The following SCN1A variants were observed in gnomAD, a reference collection of about 807,000 sequenced individuals.
SCN1A encodes the protein sodium channel protein type 1 subunit alpha.
Under a neutral mutation model 193.7 loss-of-function variants are expected in SCN1A, and 13 were observed. That is an observed-to-expected ratio of 0.07 (90% confidence interval 0.04 to 0.11). The LOEUF (loss-of-function observed/expected upper bound fraction) is 0.11, where lower values mean the gene tolerates loss of function less well. Ranked by LOEUF, SCN1A falls within the 10% of genes least tolerant of loss-of-function variation. The pLI is 1.00. For synonymous variants in SCN1A, 781 were observed against 843.6 expected (o/e 0.93, Z 1.29); for missense variants, 1,432 against 2,451.1 (o/e 0.58, Z 8.78).
intron 20 of SCN1A, among the ~76,000 whole-genome samples, chr2:166,014,782 G>A (rs947953277): frequency 6.6e-6 from 1 of 151,400 alleles, no homozygotes; most frequent in African/African-American, 2.4e-5. Context: ...AGAGAAAAAA[G>A]ATAGAAAAGT....
At chr2:166,006,467 A>G (rs1376043908) in intron 23 of SCN1A, among the ~76,000 whole-genome samples, 2 of 151,402 alleles carry the variant, frequency 1.3e-5, no homozygotes, top group Non-Finnish European at 3.0e-5. Flanking sequence ...GTTAGTTGGG[A>G]GTTACTTATT....
At chr2:166,121,082 A>G (rs960804324) in intron 2 of SCN1A, among the ~76,000 whole-genome samples, 1 of 151,156 alleles carries the variant, frequency 6.6e-6, no homozygotes, top group African/African-American at 2.4e-5. Context: ...TACTTCCTGG[A>G]ATTTTGGTGT....
intron 2 of SCN1A, among the ~76,000 whole-genome samples, chr2:166,118,404 T>C (rs1334108789): frequency 1.4e-5 from 2 of 142,342 alleles, no homozygotes; most frequent in African/African-American, 5.1e-5. Flanking sequence ...TCAAACTTCC[T>C]TTTTGGAATG....
chr2:166,064,825 C>G (rs184076488), intron 4 of SCN1A, among the ~76,000 whole-genome samples: 1 of 152,118 alleles, frequency 6.6e-6, no homozygotes, highest in African/African-American at 2.4e-5. Flanking sequence ...CACTTTCCTA[C>G]TCTTAAAGTA....
chr2:166,032,228 C>CAT (rs1695715588), intron 19 of SCN1A, among the ~76,000 whole-genome samples: 1 of 97,418 alleles, frequency 1.0e-5, no homozygotes, highest in African/African-American at 4.1e-5. Context: ...CACACACACA[C>CAT]ACACACAGAG....
At chr2:166,144,270 G>C (rs775989089) in intron 1 of SCN1A, among the ~76,000 whole-genome samples, 3 of 152,198 alleles carry the variant, frequency 2.0e-5, no homozygotes, top group Non-Finnish European at 4.4e-5. Flanking sequence ...CCAGTGAAAA[G>C]AGATGGTCTG....
intron 1 of SCN1A, among the ~76,000 whole-genome samples, chr2:166,141,066 T>G (rs890488087): frequency 6.6e-6 from 1 of 152,144 alleles, no homozygotes; most frequent in African/African-American, 2.4e-5. Context: ...TAAAGCCTAC[T>G]CACTTCCTTC....
At chr2:166,080,160 C>T (rs1685360611) in intron 2 of SCN1A, among the ~76,000 whole-genome samples, 1 of 151,442 alleles carries the variant, frequency 6.6e-6, no homozygotes, top group South Asian at 2.1e-4. Flanking sequence ...CCTCTTTATT[C>T]TAAAAATTTA....
In SCN1A at chr2:165,991,199, C is replaced by T. The variant is rs1372227465; in HGVS notation, c.*46G>A. 6.6e-7 allele frequency: 1 copy of T among 1,516,024 alleles called. No homozygotes were observed. The highest frequency in any genetic ancestry group is 9.0e-7 in the Non-Finnish European group (1 of 1,113,680). The allele number at this position is 1,516,024 out of a possible 1,614,324, so 93.9% of individuals were successfully genotyped here. ...TGTTGATAAAAATACATCACCTTCACAGGCTGTAAACAATTTGTCACCCAA... is the reference window on the plus strand; with the variant it reads ...TGTTGATAAAAATACATCACCTTCATAGGCTGTAAACAATTTGTCACCCAA... On this transcript the variant is annotated 3_prime_UTR_variant, in exon 29 of 29. Transcript: ENST00000674923.
chr2:166,065,790 G>A (rs1449865280), intron 4 of SCN1A, among the ~76,000 whole-genome samples: 2 of 152,050 alleles, frequency 1.3e-5, no homozygotes, highest in Admixed American at 6.6e-5. Flanking sequence ...AGTGACAATA[G>A]GTACCTGCCA....
rs746016312 is a variant in SCN1A at position 166,036,311 on chromosome 2, T to G, written c.3166A>C (p.Asn1056His). The G allele has an allele frequency of 6.2e-7, 1 of 1,613,674 alleles. No homozygotes were observed. Among genetic ancestry groups the G allele is most frequent in the Non-Finnish European group, 8.5e-7 (1 of 1,179,810 alleles). Residue 1056 changes from asparagine to histidine, a missense_variant, in exon 19 of 29, where the codon AAC becomes CAC. This residue lies in a region of SCN1A where 198 missense variants were observed against 225.8 expected (regional missense o/e 0.88). Transcript: ENST00000674923. ...TTGGACATACAACTGTCTTTCTTGTTGTTTAGATCATCAAGTGGTTTAATT... is the reference window on the plus strand; with the variant it reads ...TTGGACATACAACTGTCTTTCTTGTGGTTTAGATCATCAAGTGGTTTAATT... Reference protein sequence around the residue: ...DEIKPLDDLNNKKDSCMSNHT... With the variant: ...DEIKPLDDLNHKKDSCMSNHT...
At chr2:166,120,688 G>T (rs1436374033) in intron 2 of SCN1A, among the ~76,000 whole-genome samples, 1 of 131,062 alleles carries the variant, frequency 7.6e-6, no homozygotes, top group African/African-American at 2.9e-5. Flanking sequence ...ATCTCGGCTT[G>T]CTGCAACCTC....
intron 19 of SCN1A, among the ~76,000 whole-genome samples, chr2:166,029,990 G>A (rs557070690): frequency 6.6e-6 from 1 of 152,192 alleles, no homozygotes; most frequent in South Asian, 2.1e-4. Flanking sequence ...CTAAGCAGGA[G>A]GACTCTGAAA....
chr2:166,130,021 A>G (rs539731933), upstream of SCN1A, among the ~76,000 whole-genome samples: 14 of 152,318 alleles, frequency 9.2e-5, no homozygotes, highest in South Asian at 2.9e-3. Flanking sequence ...GGATACTGAA[A>G]TAGCAGCCAG....
At chr2:166,045,422 A>G in intron 12 of SCN1A, 95 bp from the exon 13 acceptor site, 1 of 1,349,964 alleles carries the variant, frequency 7.4e-7, no homozygotes, top group Non-Finnish European at 1.0e-6. Flanking sequence ...TAAAAAATAT[A>G]TTGAACTGAC....
chr2:166,009,172 T>C (rs1692065820), intron 23 of SCN1A, among the ~76,000 whole-genome samples: 1 of 151,120 alleles, frequency 6.6e-6, no homozygotes, highest in South Asian at 2.1e-4. Flanking sequence ...TATTACTAGT[T>C]TTATAAATTC....
intron 16 of SCN1A, among the ~76,000 whole-genome samples, chr2:166,040,079 C>A (rs975671584): frequency 6.6e-6 from 1 of 151,812 alleles, no homozygotes; most frequent in Non-Finnish European, 1.5e-5. Context: ...CCACCACGCC[C>A]GCCTAATTTT....
chr2:166,087,320 G>T (rs545130334), intron 2 of SCN1A, among the ~76,000 whole-genome samples: 15 of 152,200 alleles, frequency 9.9e-5, no homozygotes, highest in African/African-American at 3.6e-4. Flanking sequence ...CACAAAATTA[G>T]CTGGGCATGG....
chr2:166,131,985 T>C (rs2106288057), upstream of SCN1A, among the ~76,000 whole-genome samples: 1 of 152,302 alleles, frequency 6.6e-6, no homozygotes, highest in South Asian at 2.1e-4. Flanking sequence ...AATTCCCCTG[T>C]CATTTGTTTG....
Sources: allele counts gnomAD v4.1 joint callset (sites outside exome capture counted in the v4.1 genomes callset), GRCh38; gene constraint gnomAD v4.1.1; regional missense constraint gnomAD v4.1.1; transcripts MANE v1.5; gene names NCBI Gene and HGNC (gene_info 2026-07-23, HGNC 2026-07-21).